The following CELF2 variants were observed in gnomAD, a reference collection of about 807,000 sequenced individuals.
CELF2 encodes CUG triplet repeat RNA-binding protein 2.
Under a neutral mutation model 62.6 loss-of-function variants are expected in CELF2, and 8 were observed. The ratio of observed to expected loss-of-function variants is 0.13; its 90% CI spans 0.07 to 0.23. CELF2 has a LOEUF of 0.23. CELF2 is among the 10% of genes least tolerant of loss of function. The pLI, the probability that CELF2 is intolerant of heterozygous loss-of-function variation, is 1.00. For missense variants in CELF2, 333 were observed against 671.0 expected, an observed-to-expected ratio of 0.50 and a Z score of 5.56; for synonymous variants, 258 against 250.0, an observed-to-expected ratio of 1.03 and a Z score of -0.30.
chr10:10,601,416 T>C, the CELF2 span, among the ~76,000 whole-genome samples: 190 of 152,316 alleles, frequency 1.2e-3, 1 homozygote, highest in African/African-American at 4.2e-3. Flanking sequence ...GGATTTAATC[T>C]GGAGATCTAA....
At chr10:10,467,384 A>G in the CELF2 span, among the ~76,000 whole-genome samples, 2 of 152,052 alleles carry the variant, frequency 1.3e-5, no homozygotes, top group Non-Finnish European at 2.9e-5. Context: ...TTTGTCAAAA[A>G]TCACTTGACA....
At chr10:10,809,588 A>G (rs186369488) in intron 1 of CELF2, among the ~76,000 whole-genome samples, 15 of 152,344 alleles carry the variant, frequency 9.8e-5, no homozygotes, top group Non-Finnish European at 1.9e-4. Flanking sequence ...TCAAAAGTAT[A>G]TAAACTTAAG....
At chr10:11,245,669 G>A (rs559372149) in intron 3 of CELF2, among the ~76,000 whole-genome samples, 147 of 152,332 alleles carry the variant, frequency 9.6e-4, no homozygotes, top group African/African-American at 3.5e-3. Context: ...TCTCTGAGCA[G>A]CTGCACGAAT....
intron 2 of CELF2, among the ~76,000 whole-genome samples, chr10:10,923,226 G>A (rs2065086300): frequency 6.6e-6 from 1 of 152,186 alleles, no homozygotes; most frequent in African/African-American, 2.4e-5. Context: ...ACGCTGTGAC[G>A]TCTAGGAAAA....
At chr10:10,924,505 C>T (rs1283261228) in intron 2 of CELF2, among the ~76,000 whole-genome samples, 2 of 151,974 alleles carry the variant, frequency 1.3e-5, no homozygotes, top group Admixed American at 1.3e-4. Context: ...AGTAGAGATT[C>T]ATATGTTGAT....
the CELF2 span, among the ~76,000 whole-genome samples, chr10:10,608,600 C>T: frequency 2.6e-5 from 4 of 152,044 alleles, no homozygotes; most frequent in East Asian, 5.8e-4. Context: ...GAATTAGAGG[C>T]GAGGGACAAA....
In CELF2 at chr10:11,305,350, G is replaced by T. The variant is rs2094120605; in HGVS notation, c.977-8789G>T. Among the ~76,000 whole-genome samples, 1 of 152,190 alleles carries T rather than the reference G, an allele frequency of 6.6e-6. No homozygotes were observed. The highest frequency in any genetic ancestry group is 2.1e-4 in the South Asian group (1 of 4,828). On this transcript the variant is annotated intron_variant, in intron 9 of 12. Transcript: ENST00000633077. This position sits in a 1 kb window ranked among gnomAD's most constrained non-coding sequence, Gnocchi z 4.8. ...ATTGGCCTCCTTGTGGAGTCCTCATGCCCACACCTGGGTGCCGGCGCCCAT... is the reference window on the plus strand; with the variant it reads ...ATTGGCCTCCTTGTGGAGTCCTCATTCCCACACCTGGGTGCCGGCGCCCAT...
rs533683671 is a variant in CELF2 at position 10,836,647 on chromosome 10, T to C, written c.53+37830T>C. ...TAAAATCTAGCCTTATTTTATTTTA[T>C]TTTATTTTTTTTGAGATGGAGTCTC... On this transcript the variant is annotated intron_variant, in intron 1 of 13. Transcript: ENST00000636488. Among the ~76,000 whole-genome samples, 4 of 152,328 alleles carry C rather than the reference T, an allele frequency of 2.6e-5. No individual in the cohort carries two copies. The East Asian group carries it at 7.7e-4, about 29-fold the overall frequency.
At chr10:10,621,835 C>T in the CELF2 span, among the ~76,000 whole-genome samples, 1 of 152,082 alleles carries the variant, frequency 6.6e-6, no homozygotes, top group South Asian at 2.1e-4. Flanking sequence ...ATGGCTGAAC[C>T]TTAAATGTAA....
At chr10:10,759,625 A>G in the CELF2 span, among the ~76,000 whole-genome samples, 2 of 151,932 alleles carry the variant, frequency 1.3e-5, no homozygotes, top group African/African-American at 4.8e-5. Context: ...CCATTTCTCT[A>G]ATCAGCCAAC....
intron 9 of CELF2, among the ~76,000 whole-genome samples, chr10:11,288,940 C>G (rs538139043): frequency 6.6e-6 from 1 of 152,292 alleles, no homozygotes; most frequent in African/African-American, 2.4e-5. Flanking sequence ...TTTCAAAATT[C>G]CTAGTCATTC....
chr10:11,291,062 C>T (rs1021286261), intron 9 of CELF2, among the ~76,000 whole-genome samples: 7 of 152,144 alleles, frequency 4.6e-5, no homozygotes, highest in Non-Finnish European at 4.4e-5. Context: ...TTCCCAAGGC[C>T]ATTGCCATTA....
chr10:11,139,038 AT>A (rs1448484910), intron 1 of CELF2, among the ~76,000 whole-genome samples: 1 of 152,250 alleles, frequency 6.6e-6, no homozygotes, highest in East Asian at 1.9e-4. Flanking sequence ...TGTAATTATA[AT>A]TAATAACTGC....
intron 1 of CELF2, among the ~76,000 whole-genome samples, chr10:10,822,200 C>T (rs1354291420): frequency 1.3e-5 from 2 of 152,250 alleles, no homozygotes; most frequent in African/African-American, 4.8e-5. Flanking sequence ...ACCACCTCTG[C>T]ATCCCCAGAG....
At chr10:10,719,316 T>A in the CELF2 span, among the ~76,000 whole-genome samples, 11 of 152,136 alleles carry the variant, frequency 7.2e-5, no homozygotes, top group Admixed American at 2.0e-4. Flanking sequence ...TGGAGTATAG[T>A]GGCGCAATCA....
the CELF2 span, among the ~76,000 whole-genome samples, chr10:10,571,709 T>A: frequency 6.6e-6 from 1 of 152,186 alleles, no homozygotes; most frequent in Non-Finnish European, 1.5e-5. Flanking sequence ...AGGATGCTTG[T>A]AAGGCTGAGT....
chr10:11,074,560 C>T (rs757378847), intron 1 of CELF2, among the ~76,000 whole-genome samples: 3 of 152,338 alleles, frequency 2.0e-5, no homozygotes, highest in Non-Finnish European at 1.5e-5. Flanking sequence ...AATTAATATT[C>T]ACTATGGGAT....
the CELF2 span, among the ~76,000 whole-genome samples, chr10:10,688,436 C>T: frequency 6.6e-6 from 1 of 152,150 alleles, no homozygotes; most frequent in African/African-American, 2.4e-5. Flanking sequence ...TGCCCAGACC[C>T]GACCCAGCCT....
chr10:10,592,293 C>T, the CELF2 span, among the ~76,000 whole-genome samples: 5 of 152,004 alleles, frequency 3.3e-5, no homozygotes, highest in Non-Finnish European at 5.9e-5. Flanking sequence ...GTGAGTTTTA[C>T]GATGGTGCTA....
Sources: gnomAD v4.1 joint callset for allele counts (sites outside exome capture counted in the v4.1 genomes callset) on GRCh38, gnomAD v4.1.1 for gene constraint, Gnocchi (gnomAD v3.1) non-coding constraint, MANE v1.5 for transcripts, NCBI Gene and HGNC (gene_info 2026-07-23, HGNC 2026-07-21) for gene names.